The following CTSB variants were observed in gnomAD, a reference collection of about 807,000 sequenced individuals.
CTSB encodes APP secretase.
CTSB carries 57 observed loss-of-function variants against 44.3 expected under a neutral mutation model. The observed-to-expected ratio is 1.29, with a 90% CI of 1.04 to 1.60. The LOEUF (loss-of-function observed/expected upper bound fraction) is 1.60, where lower values mean the gene tolerates loss of function less well. CTSB is among the 40% of genes most tolerant of loss of function. CTSB has a pLI of 0.00. For missense variants in CTSB, 768 were observed against 443.0 expected (o/e 1.73, Z -6.59); for synonymous variants, 320 against 168.0 (o/e 1.91, Z -7.00).
intron 1 of CTSB, chr8:11,853,732 CCG>C (rs1243378798): frequency 4.9e-6 from 2 of 409,574 alleles, no homozygotes; most frequent in African/African-American, 4.0e-5. Flanking sequence ...CTGGACGAGA[CCG>C]AGTCCAGGGC....
intron 7 of CTSB, 57 bp from the exon 8 acceptor site, chr8:11,847,225 G>A (rs201473791): frequency 8.6e-6 from 9 of 1,043,686 alleles, no homozygotes; most frequent in African/African-American, 3.2e-5. Flanking sequence ...CTCGTGGCAC[G>A]CCACGGTCAG....
At position 11,844,925 on chromosome 8, in the gene CTSB, G is replaced by C. The variant is rs1339828963; in HGVS notation, c.*200C>G. 1 of 582,732 alleles carries C rather than the reference G, an allele frequency of 1.7e-6. No individual in the cohort carries two copies. The highest frequency in any genetic ancestry group is 3.1e-6 in the Non-Finnish European group (1 of 325,996). The allele number at this position is 582,732 out of a possible 1,614,324, so 36.1% of individuals were successfully genotyped here. On this transcript the variant is annotated 3_prime_UTR_variant, in exon 10 of 10. Coordinates refer to ENST00000353047, the MANE Select transcript of CTSB (RefSeq NM_001908.5). ...AAGGACGCTCTGTGCTGGCAGCGGT[G>C]GCTCACATGGCCTGTCTGCACTGTA...
intron 3 of CTSB, among the ~76,000 whole-genome samples, chr8:11,851,932 G>C (rs1814659067): frequency 6.6e-6 from 1 of 152,176 alleles, no homozygotes; most frequent in South Asian, 2.1e-4. Context: ...ATCCCAAAGT[G>C]CTGGGATTAC....
At chr8:11,851,914 G>T (rs937678002) in intron 3 of CTSB, among the ~76,000 whole-genome samples, 12 of 152,114 alleles carry the variant, frequency 7.9e-5, no homozygotes, top group Non-Finnish European at 1.6e-4. Flanking sequence ...TGATCCGCTT[G>T]CCTTGGCATC....
At chr8:11,853,606 T>G (rs908736274) in intron 1 of CTSB, 127 bp from the exon 2 acceptor site, 9 of 858,140 alleles carry the variant, frequency 1.0e-5, no homozygotes, top group Non-Finnish European at 1.5e-5. Flanking sequence ...GGAGAACTCT[T>G]AAGGAGCTGA....
Position 11,844,035 on chromosome 8 carries a change from A to C in CTSB, c.*1090T>G, listed in dbSNP as rs1450809767. 6.6e-6 allele frequency: 1 copy of C among 152,158 alleles called. No individual in the cohort carries two copies. Among genetic ancestry groups the C allele is most frequent in the Non-Finnish European group, 1.5e-5 (1 of 68,034 alleles). The allele number at this position is 152,158 out of a possible 1,614,324, so 9.4% of individuals were successfully genotyped here. ...GAGACGGAATCTCACTCTGTCAGTC[A>C]CAACAACAACAAAAAAATAGAGCAC... On this transcript the variant is annotated 3_prime_UTR_variant, in exon 10 of 10. Coordinates refer to ENST00000353047, the MANE Select transcript of CTSB (RefSeq NM_001908.5).
In CTSB at chr8:11,845,157, G is replaced by A. The variant is rs750136774; in HGVS notation, c.988C>T (p.Pro330Ser). 1 of 1,613,968 alleles carries A rather than the reference G, an allele frequency of 6.2e-7. No homozygotes were observed. Among genetic ancestry groups the A allele is most frequent in the Non-Finnish European group, 8.5e-7 (1 of 1,179,808 alleles). Reference protein sequence around the residue: ...GIESEVVAGIPRTDQYWEKI With the variant: ...GIESEVVAGISRTDQYWEKI ...TTTTCCCAGTACTGATCGGTGCGTGGAATTCCAGCCACCACTTCTGATTCG... is the reference window on the plus strand; with the variant it reads ...TTTTCCCAGTACTGATCGGTGCGTGAAATTCCAGCCACCACTTCTGATTCG... The change falls in exon 10 of 10, where the codon CCA (proline) becomes TCA (serine). Residue 330 changes from proline to serine, a missense_variant. Coordinates refer to ENST00000353047, the MANE Select transcript of CTSB (RefSeq NM_001908.5).
chr8:11,848,190 G>C lies in CTSB; in HGVS notation c.447-38C>G, dbSNP rs527521185. ...CCTCTAATGAAAACCTCTGAGAGAA[G>C]CACCACCAGCTCTCCAGACCACTGT... On this transcript the variant is annotated intron_variant, in intron 5 of 9. Coordinates refer to ENST00000353047, the MANE Select transcript of CTSB (RefSeq NM_001908.5). 7 of 1,562,232 alleles carry C rather than the reference G, an allele frequency of 4.5e-6. No homozygotes were observed. The African/African-American group carries it at 8.1e-5, about 18-fold the overall frequency.
chr8:11,855,648 C>T (rs183940265), intron 1 of CTSB, among the ~76,000 whole-genome samples: 12 of 152,308 alleles, frequency 7.9e-5, no homozygotes, highest in Admixed American at 7.2e-4. Context: ...CTTTAGGCTT[C>T]GTTTCCACAA....
chr8:11,855,426 G>C (rs1815344124), intron 1 of CTSB, among the ~76,000 whole-genome samples: 1 of 152,232 alleles, frequency 6.6e-6, no homozygotes, highest in Non-Finnish European at 1.5e-5. Flanking sequence ...GGAGGCCAAG[G>C]CAAGTGGATC....
chr8:11,848,025 ACAAT>A, intron 6 of CTSB, 38 bp downstream of exon 6: 1 of 1,509,100 alleles, frequency 6.6e-7, no homozygotes, highest in Non-Finnish European at 9.1e-7. Context: ...AATTGCTCAA[ACAAT>A]CCATCTGGCC....
chr8:11,864,015 C>T (rs1335506223), intron 1 of CTSB, among the ~76,000 whole-genome samples: 1 of 152,084 alleles, frequency 6.6e-6, no homozygotes, highest in Non-Finnish European at 1.5e-5. Context: ...ACATAACTGT[C>T]CCTCAGTAGA....
At position 11,853,304 on chromosome 8, in the gene CTSB, C is replaced by T. The variant is rs772833559; in HGVS notation, c.126+25G>A. On this transcript the variant is annotated intron_variant, in intron 2 of 9. Transcript: ENST00000353047. Reference sequence around the variant, plus strand: ...ACAGACCGACCTGGGAGGGGACATACATAGGACGCAGCCCCACAGCCTACC... The same window carrying T: ...ACAGACCGACCTGGGAGGGGACATATATAGGACGCAGCCCCACAGCCTACC... 1.6e-5 allele frequency: 26 copies of T among 1,611,798 alleles called. No individual in the cohort carries two copies. In the East Asian group the frequency reaches 2.7e-4, roughly 17 times the overall value.
chr8:11,845,845 A>G (rs923885954), intron 8 of CTSB, 56 bp from the exon 9 acceptor site: 5 of 1,533,726 alleles, frequency 3.3e-6, no homozygotes, highest in East Asian at 2.4e-5. Flanking sequence ...CACGCCCCAC[A>G]GCACCCCCCA....
chr8:11,863,586 G>C (rs1816718710), intron 1 of CTSB, among the ~76,000 whole-genome samples: 1 of 152,150 alleles, frequency 6.6e-6, no homozygotes, highest in African/African-American at 2.4e-5. Context: ...AAAAACATCA[G>C]ACCTTGGCGA....
intron 1 of CTSB, among the ~76,000 whole-genome samples, chr8:11,863,326 G>A (rs187464039): frequency 6.6e-6 from 1 of 152,104 alleles, no homozygotes; most frequent in East Asian, 1.9e-4. Context: ...GGGCGTGGTG[G>A]CACACGCCTG....
intron 1 of CTSB, among the ~76,000 whole-genome samples, chr8:11,867,060 T>A (rs1244468887): frequency 6.6e-6 from 1 of 152,174 alleles, no homozygotes; most frequent in Non-Finnish European, 1.5e-5. Flanking sequence ...GTGTGGGGCC[T>A]GCGCTAGGGT....
chr8:11,855,517 G>T (rs1450885063), intron 1 of CTSB, among the ~76,000 whole-genome samples: 1 of 152,238 alleles, frequency 6.6e-6, no homozygotes, highest in Admixed American at 6.5e-5. Flanking sequence ...TTTTAAAAAG[G>T]TAATGCTGGA....
chr8:11,860,532 G>T (rs971690598), intron 1 of CTSB, among the ~76,000 whole-genome samples: 1 of 152,176 alleles, frequency 6.6e-6, no homozygotes, highest in Non-Finnish European at 1.5e-5. Flanking sequence ...GCTGAAGCAG[G>T]ACAATTGCTT....
Sources: gnomAD v4.1 joint callset for allele counts (sites outside exome capture counted in the v4.1 genomes callset) on GRCh38, gnomAD v4.1.1 for gene constraint, MANE v1.5 for transcripts, NCBI Gene and HGNC (gene_info 2026-07-23, HGNC 2026-07-21) for gene names.